The following RCAN2 variants were observed in gnomAD, a reference collection of about 807,000 sequenced individuals.
RCAN2 encodes the protein regulator of calcineurin 2.
RCAN2 carries 9 observed loss-of-function variants against 23.6 expected under a neutral mutation model. The ratio of observed to expected loss-of-function variants is 0.38; its 90% CI spans 0.23 to 0.67. The LOEUF is 0.67. RCAN2 is among the 30% of genes least tolerant of loss of function. The pLI, the probability that RCAN2 is intolerant of heterozygous loss-of-function variation, is 0.51. For synonymous variants in RCAN2, 109 were observed against 115.7 expected, an observed-to-expected ratio of 0.94 and a Z score of 0.37; for missense variants, 273 against 302.3, an observed-to-expected ratio of 0.90 and a Z score of 0.72.
intron 1 of RCAN2, chr6:46,468,692 T>C (rs1166054253): frequency 2.2e-6 from 1 of 455,472 alleles, no homozygotes; most frequent in South Asian, 9.2e-5. Context: ...TGATATGCTG[T>C]GCTGACGAGA....
chr6:46,291,947 A>T (rs1762574594), intron 2 of RCAN2, among the ~76,000 whole-genome samples: 1 of 152,356 alleles, frequency 6.6e-6, no homozygotes. Flanking sequence ...ATGAATGTGC[A>T]GACAGTATTC....
At chr6:46,458,806 A>G (rs942802680) in intron 1 of RCAN2, among the ~76,000 whole-genome samples, 3 of 152,232 alleles carry the variant, frequency 2.0e-5, no homozygotes, top group Non-Finnish European at 2.9e-5. Context: ...TTATTAGAGT[A>G]TCAATTGTTT....
intron 2 of RCAN2, among the ~76,000 whole-genome samples, chr6:46,260,188 T>C (rs750796363): frequency 6.6e-6 from 1 of 152,182 alleles, no homozygotes; most frequent in Non-Finnish European, 1.5e-5. Context: ...CCTAGTGTTC[T>C]CATTAGCATA....
At chr6:46,455,906 A>G (rs1392162274) in intron 2 of RCAN2, among the ~76,000 whole-genome samples, 2 of 151,476 alleles carry the variant, frequency 1.3e-5, no homozygotes, top group Non-Finnish European at 2.9e-5. Flanking sequence ...GAAAAAAAAA[A>G]GGCCCTTTAT....
intron 4 of RCAN2, among the ~76,000 whole-genome samples, chr6:46,246,544 A>G (rs1241029310): frequency 6.6e-6 from 1 of 152,200 alleles, no homozygotes; most frequent in Non-Finnish European, 1.5e-5. Context: ...ATTTTAGTAC[A>G]GGTTCCTGAG....
At chr6:46,262,883 T>A (rs906185133) in intron 2 of RCAN2, among the ~76,000 whole-genome samples, 1 of 152,182 alleles carries the variant, frequency 6.6e-6, no homozygotes. Flanking sequence ...TTCCTCCAGA[T>A]AACTTTCTAA....
At chr6:46,269,145 C>T (rs962897691) in intron 2 of RCAN2, among the ~76,000 whole-genome samples, 5 of 152,338 alleles carry the variant, frequency 3.3e-5, no homozygotes, top group Admixed American at 1.3e-4. Flanking sequence ...TCCATTGCTT[C>T]TACTACCTTC....
At chr6:46,325,998 G>T in intron 2 of RCAN2, 1 of 508,506 alleles carries the variant, frequency 2.0e-6, no homozygotes, top group Non-Finnish European at 2.5e-6. Context: ...TTCTGCCTTC[G>T]AGATGAGCAG....
At chr6:46,235,060 G>A (rs1475305153) in intron 4 of RCAN2, among the ~76,000 whole-genome samples, 1 of 152,166 alleles carries the variant, frequency 6.6e-6, no homozygotes, top group African/African-American at 2.4e-5. Flanking sequence ...ATGCCACCTT[G>A]GCTTACGGGC....
intron 4 of RCAN2, among the ~76,000 whole-genome samples, chr6:46,240,941 C>T (rs575127996): frequency 3.9e-5 from 6 of 152,286 alleles, no homozygotes; most frequent in African/African-American, 1.4e-4. Context: ...AAAAACCCTT[C>T]TCTGCAGTTA....
At chr6:46,405,033 CAT>C (rs1475848428) in intron 2 of RCAN2, among the ~76,000 whole-genome samples, 1 of 152,196 alleles carries the variant, frequency 6.6e-6, no homozygotes, top group Non-Finnish European at 1.5e-5. Flanking sequence ...GTTGGGGAAA[CAT>C]AGATGAAAGC....
At position 46,243,538 on chromosome 6, in the gene RCAN2, C is replaced by T. The variant is rs570470291; in HGVS notation, c.571+3210G>A. Among the ~76,000 whole-genome samples the T allele has an allele frequency of 5.3e-5, 8 of 151,998 alleles. No homozygotes were observed. The South Asian group carries it at 6.2e-4, about 12-fold the overall frequency. On this transcript the variant is annotated intron_variant, in intron 4 of 4. Transcript: ENST00000371374. Reference sequence around the variant, plus strand: ...TAGAAATAATTCTTGAGGCCTAGCGCGGTGGCTCATGTCTGGAATCCCAGC... The same window carrying T: ...TAGAAATAATTCTTGAGGCCTAGCGTGGTGGCTCATGTCTGGAATCCCAGC...
At chr6:46,394,002 T>C (rs1245531776) in intron 2 of RCAN2, among the ~76,000 whole-genome samples, 1 of 152,180 alleles carries the variant, frequency 6.6e-6, no homozygotes, top group Non-Finnish European at 1.5e-5. Context: ...TTCATGTCCT[T>C]AGGCCTGTGA....
At chr6:46,270,027 A>C (rs989634800) in intron 2 of RCAN2, among the ~76,000 whole-genome samples, 2 of 152,130 alleles carry the variant, frequency 1.3e-5, no homozygotes, top group Non-Finnish European at 2.9e-5. Flanking sequence ...TCAGCTGTCC[A>C]TAATTTAGAG....
At chr6:46,322,928 A>G (rs1763663063) in intron 2 of RCAN2, among the ~76,000 whole-genome samples, 1 of 152,234 alleles carries the variant, frequency 6.6e-6, no homozygotes, top group South Asian at 2.1e-4. Flanking sequence ...CTTAACACAT[A>G]ACATTTGGCC....
At chr6:46,247,754 G>T (rs1766570517) in intron 3 of RCAN2, among the ~76,000 whole-genome samples, 1 of 152,172 alleles carries the variant, frequency 6.6e-6, no homozygotes, top group Non-Finnish European at 1.5e-5. Context: ...TTCATCCATT[G>T]ATGGACATTT....
At chr6:46,321,301 T>C (rs1763605511) in intron 2 of RCAN2, among the ~76,000 whole-genome samples, 1 of 152,244 alleles carries the variant, frequency 6.6e-6, no homozygotes. Flanking sequence ...ACTATTTCAT[T>C]GTCTGCATCT....
At chr6:46,240,678 A>G (rs1052145436) in intron 4 of RCAN2, among the ~76,000 whole-genome samples, 2 of 152,212 alleles carry the variant, frequency 1.3e-5, no homozygotes, top group Non-Finnish European at 2.9e-5. Flanking sequence ...CACATGCACC[A>G]AAAACATAGG....
chr6:46,278,415 C>T (rs1767785345), intron 2 of RCAN2, among the ~76,000 whole-genome samples: 1 of 151,954 alleles, frequency 6.6e-6, no homozygotes, highest in African/African-American at 2.4e-5. Flanking sequence ...AAAACCCACA[C>T]ACTTTATTCC....
Sources: gnomAD v4.1 joint callset for allele counts (sites outside exome capture counted in the v4.1 genomes callset) on GRCh38, gnomAD v4.1.1 for gene constraint, MANE v1.5 for transcripts, NCBI Gene and HGNC (gene_info 2026-07-23, HGNC 2026-07-21) for gene names.